The following RMDN1 variants were observed in gnomAD, a reference collection of about 807,000 sequenced individuals.
RMDN1 encodes regulator of microtubule dynamics protein 1.
In RMDN1, 48 loss-of-function variants were observed where a neutral mutation model predicts 48.9. The observed-to-expected ratio is 0.98, with a 90% CI of 0.78 to 1.25. RMDN1 has a LOEUF of 1.25. Among genes scored for constraint, RMDN1 ranks in the 50% most tolerant of loss-of-function variants. The pLI, the probability that RMDN1 is intolerant of heterozygous loss-of-function variation, is 0.00. For synonymous variants in RMDN1, 148 were observed against 132.6 expected (o/e 1.12, Z -0.80); for missense variants, 418 against 373.4 (o/e 1.12, Z -0.98).
At chr8:86,512,570 A>G (rs1586817304), upstream of RMDN1, among the ~76,000 whole-genome samples, 1 of 152,198 alleles carries the variant, frequency 6.6e-6, no homozygotes, top group African/African-American at 2.4e-5. Context: ...ACTATCCTCA[A>G]GTCCCTCTAT....
At position 86,474,963 on chromosome 8, in the gene RMDN1, A is replaced by C. The variant is rs774695866; in HGVS notation, c.761-10T>G. On this transcript the variant is annotated splice_polypyrimidine_tract_variant and intron_variant, in intron 8 of 9. Coordinates refer to ENST00000406452, the MANE Select transcript of RMDN1 (RefSeq NM_016033.3). ...TAGAAGTTTGGATCCACTGCACATAAGAAAGAAAAAATGATCTCAGAGGAA... is the reference window on the plus strand; with the variant it reads ...TAGAAGTTTGGATCCACTGCACATACGAAAGAAAAAATGATCTCAGAGGAA... 1.3e-6 allele frequency: 2 copies of C among 1,582,212 alleles called. No individual in the cohort carries two copies. The highest frequency in any genetic ancestry group is 2.7e-5 in the African/African-American group (2 of 73,020).
At chr8:86,505,064 C>T in intron 2 of RMDN1, 1 of 1,427,266 alleles carries the variant, frequency 7.0e-7, no homozygotes, top group Non-Finnish European at 9.3e-7. Flanking sequence ...CCACCAATGT[C>T]TAAGTCATGC....
chr8:86,479,225 A>T (rs1407505728), intron 6 of RMDN1, among the ~76,000 whole-genome samples: 1 of 152,176 alleles, frequency 6.6e-6, no homozygotes, highest in Non-Finnish European at 1.5e-5. Context: ...AAGCAGTCAT[A>T]CTAATAACAG....
intron 2 of RMDN1, chr8:86,503,631 T>C (rs1818776491): frequency 1.8e-5 from 9 of 497,298 alleles, no homozygotes; most frequent in South Asian, 1.4e-4. Flanking sequence ...GTTGCTACAA[T>C]TGGCTCTTTC....
downstream of RMDN1, chr8:86,470,412 T>A: frequency 7.8e-7 from 1 of 1,278,898 alleles, no homozygotes; most frequent in Non-Finnish European, 1.0e-6. Flanking sequence ...ATCAGGCTCC[T>A]GGGAAGTCAA....
intron 2 of RMDN1, among the ~76,000 whole-genome samples, chr8:86,496,841 T>G (rs1033484041): frequency 6.6e-6 from 1 of 152,108 alleles, no homozygotes; most frequent in African/African-American, 2.4e-5. Context: ...ATGTACATTC[T>G]TCTCACCTGA....
chr8:86,476,965 T>C lies in RMDN1; in HGVS notation c.760+329A>G, dbSNP rs1460947751. On this transcript the variant is annotated intron_variant, in intron 8 of 9. Coordinates refer to ENST00000406452, the MANE Select transcript of RMDN1 (RefSeq NM_016033.3). ...ATCCTTCTGCCTTGGCCTTCCAAAG[T>C]GCTGGGATTACAAGTGTTAGCCACC... 3.9e-5 allele frequency among the ~76,000 whole-genome samples: 6 copies of C among 152,298 alleles called. No homozygotes were observed. In the South Asian group the frequency reaches 8.3e-4, roughly 21 times the overall value.
In RMDN1 at chr8:86,508,650, T is replaced by A. The variant is rs1586809103; in HGVS notation, c.-30A>T. The A allele has an allele frequency of 6.4e-7, 1 of 1,571,602 alleles. No individual in the cohort carries two copies. Among genetic ancestry groups the A allele is most frequent in the Non-Finnish European group, 8.6e-7 (1 of 1,157,630 alleles). ...TGCAACTTGCGGGCTGACCCTGCAC[T>A]ACTTCAGGCAGCTACGGAGGCGGGC... On this transcript the variant is annotated 5_prime_UTR_variant, in exon 1 of 10. Coordinates refer to ENST00000406452, the MANE Select transcript of RMDN1 (RefSeq NM_016033.3).
intron 2 of RMDN1, among the ~76,000 whole-genome samples, chr8:86,496,371 A>G (rs1324997510): frequency 2.0e-5 from 3 of 152,236 alleles, no homozygotes; most frequent in Non-Finnish European, 4.4e-5. Context: ...ATAAAGATGC[A>G]TAACCCAATT....
At chr8:86,478,813 G>C in intron 7 of RMDN1, 110 bp downstream of exon 7, 1 of 820,294 alleles carries the variant, frequency 1.2e-6, no homozygotes, top group Non-Finnish European at 2.1e-6. Flanking sequence ...TGGATCATTA[G>C]AAATTGCTCA....
intron 2 of RMDN1, chr8:86,504,090 C>A: frequency 9.9e-7 from 1 of 1,011,882 alleles, no homozygotes; most frequent in Admixed American, 1.7e-5. Flanking sequence ...TGGCCCAGAT[C>A]TTTGGTCTGG....
intron 5 of RMDN1, among the ~76,000 whole-genome samples, chr8:86,483,289 A>T (rs1432457936): frequency 6.6e-6 from 1 of 152,154 alleles, no homozygotes; most frequent in African/African-American, 2.4e-5. Context: ...ACTGTTTTTT[A>T]AAAAAATGGA....
chr8:86,493,502 G>C (rs945639185), intron 2 of RMDN1, among the ~76,000 whole-genome samples: 2 of 152,188 alleles, frequency 1.3e-5, no homozygotes, highest in African/African-American at 2.4e-5. Flanking sequence ...AGCTTTAAAA[G>C]AGAAGAAAAT....
chr8:86,507,073 G>GTT lies in RMDN1; in HGVS notation c.168_169insAA (p.Leu57AsnfsTer51). On this transcript the variant is annotated frameshift_variant, in exon 2 of 10. Coordinates refer to ENST00000406452, the MANE Select transcript of RMDN1 (RefSeq NM_016033.3). LOFTEE classifies it high-confidence loss of function. The stretch of plus-strand genomic sequence containing the variant: ...AAACCCAAATACGACAAAGCTGAGA[G>GTT]TAAAAGGCCTCTTTTGAAAGTTCCT... 2 of 1,612,728 alleles carry GTT rather than the reference G, an allele frequency of 1.2e-6. No homozygotes were observed. Among genetic ancestry groups the GTT allele is most frequent in the South Asian group, 2.2e-5 (2 of 91,048 alleles).
intron 5 of RMDN1, among the ~76,000 whole-genome samples, chr8:86,483,456 C>G (rs1002410526): frequency 1.3e-5 from 2 of 152,130 alleles, no homozygotes; most frequent in African/African-American, 4.8e-5. Flanking sequence ...TCAAAAATGA[C>G]ACACCATTAG....
At chr8:86,478,522 T>A (rs1813784571) in intron 7 of RMDN1, 1 of 158,042 alleles carries the variant, frequency 6.3e-6, no homozygotes, top group Admixed American at 6.5e-5. Flanking sequence ...GAAGTTATAA[T>A]GAGTGTTCTT....
At position 86,504,337 on chromosome 8, in the gene RMDN1, G is replaced by A. The variant is rs570469370; in HGVS notation, c.247+2658C>T. ...AGATGAGAGTGCAAGGATGTCACAA[G>A]AAAAGCAAGTCACCGTGCTGGAGTT... On this transcript the variant is annotated intron_variant, in intron 2 of 9. Transcript: ENST00000406452. 1.3e-4 allele frequency: 213 copies of A among 1,578,592 alleles called. 6 individuals carry two copies. In the South Asian group the frequency reaches 2.3e-3, roughly 17 times the overall value.
intron 1 of RMDN1, among the ~76,000 whole-genome samples, chr8:86,513,947 C>G (rs1820177976): frequency 6.6e-6 from 1 of 151,758 alleles, no homozygotes; most frequent in East Asian, 1.9e-4. Context: ...GCCCGTGATC[C>G]TTCTGCCTCA....
chr8:86,475,458 TG>T (rs1232698618), intron 8 of RMDN1, among the ~76,000 whole-genome samples: 2 of 152,028 alleles, frequency 1.3e-5, no homozygotes, highest in Non-Finnish European at 2.9e-5. Flanking sequence ...ACAAAACCTC[TG>T]TTTTTTTCAA....
Sources: allele counts gnomAD v4.1 joint callset (sites outside exome capture counted in the v4.1 genomes callset), GRCh38; gene constraint gnomAD v4.1.1; transcripts MANE v1.5; gene names NCBI Gene and HGNC (gene_info 2026-07-23, HGNC 2026-07-21).